LY75: variants seen among roughly 807,000 people sequenced by gnomAD.
The protein encoded by LY75 is lymphocyte antigen 75.
A neutral mutation model predicts 231.7 loss-of-function variants in LY75; 185 were observed. That is an observed-to-expected ratio of 0.80 (90% CI 0.71 to 0.90). The LOEUF (loss-of-function observed/expected upper bound fraction) is 0.90, where lower values mean the gene tolerates loss of function less well. Among genes scored for constraint, LY75 ranks in the 40% least tolerant of loss-of-function variants. LY75 has a pLI of 0.00. For synonymous variants in LY75, 668 were observed against 689.0 expected, an observed-to-expected ratio of 0.97 and a Z score of 0.48; for missense variants, 1,947 against 2,050.2, an observed-to-expected ratio of 0.95 and a Z score of 0.97.
chr2:159,842,365 C>T lies in LY75; in HGVS notation c.3160G>A (p.Glu1054Lys). ...AGGGCACAGTGGTAGCGAGACTCTTCCTCAAAAAACTAAACAAAAAGGCAA... is the reference window on the plus strand; with the variant it reads ...AGGGCACAGTGGTAGCGAGACTCTTTCTCAAAAAACTAAACAAAAAGGCAA... ...RLRIPENFFE[E>K]ESRYHCALIL... The change falls in exon 24 of 35, where the codon GAA becomes AAA. Residue 1054 changes from glutamate (E) to lysine (K), a missense_variant. Coordinates refer to ENST00000263636, the MANE Select transcript of LY75 (RefSeq NM_002349.4). 6.2e-7 allele frequency: 1 copy of T among 1,607,730 alleles called. No homozygotes were observed. Among genetic ancestry groups the T allele is most frequent in the Non-Finnish European group, 8.5e-7 (1 of 1,176,618 alleles).
At chr2:159,837,308 C>A (rs1683861428) in intron 25 of LY75, among the ~76,000 whole-genome samples, 1 of 152,122 alleles carries the variant, frequency 6.6e-6, no homozygotes, top group Non-Finnish European at 1.5e-5. Context: ...ACTGTGCAGC[C>A]ATAAAAAAGA....
At chr2:159,808,217 C>T in intron 33 of LY75, 1 of 815,664 alleles carries the variant, frequency 1.2e-6, no homozygotes, top group South Asian at 5.6e-5. Context: ...TAGAAAGATT[C>T]CACTTTATTT....
chr2:159,849,937 T>C (rs756547925), intron 23 of LY75, 43 bp downstream of exon 23: 21 of 1,581,212 alleles, frequency 1.3e-5, no homozygotes, highest in Non-Finnish European at 1.8e-5. Flanking sequence ...GACTCAAGTA[T>C]TTCACAGAGG....
In LY75 at chr2:159,881,240, T is replaced by A; in HGVS notation, c.1247A>T (p.Asp416Val). 1.2e-6 allele frequency: 2 copies of A among 1,608,402 alleles called. No homozygotes were observed. The highest frequency in any genetic ancestry group is 1.7e-6 in the Non-Finnish European group (2 of 1,177,806). ...EVVVTKLHNE[D>V]IKEEVWIGLK... is the part of the protein sequence containing the mutation. ...GCCTATCCACACTTCTTCTTTGATA[T>A]CTAAAAGAAAAATGTATTATTTGTT... Residue 416 changes from aspartate (D) to valine (V), a missense_variant and splice_region_variant, in exon 8 of 35, where the codon GAT (aspartate) becomes GTT (valine). Physicochemically the swap from Asp to Val is radical, Grantham distance 152. Coordinates refer to ENST00000263636, the MANE Select transcript of LY75 (RefSeq NM_002349.4).
rs1406397102 is a variant in LY75, at chr2:159,816,702, G to C, written c.4380+104C>G. On this transcript the variant is annotated intron_variant, in intron 30 of 34. Transcript: ENST00000263636. ...ACCATGCTATGCAAGCGGAGTCCCA[G>C]TACTTCATCTAATGTTGTACTTTGT... 12 of 1,491,304 alleles carry C rather than the reference G, an allele frequency of 8.0e-6. No homozygotes were observed. In the East Asian group the frequency reaches 2.5e-4, roughly 31 times the overall value. 92.4% of individuals were successfully genotyped at this position (1,491,304 alleles called of 1,614,324 possible).
chr2:159,893,832 G>T (rs1015314502), intron 3 of LY75, 82 bp downstream of exon 3: 1 of 1,469,258 alleles, frequency 6.8e-7, no homozygotes, highest in African/African-American at 1.4e-5. Flanking sequence ...TCACTTTTGA[G>T]TCACTTTGAA....
intron 29 of LY75, among the ~76,000 whole-genome samples, chr2:159,819,081 T>A (rs1471806184): frequency 6.6e-6 from 1 of 152,148 alleles, no homozygotes; most frequent in Non-Finnish European, 1.5e-5. Flanking sequence ...GTGGACACGG[T>A]CTTGGGAAGT....
At chr2:159,881,039 G>A (rs1685419807) in intron 8 of LY75, 44 bp downstream of exon 8, 1 of 1,588,316 alleles carries the variant, frequency 6.3e-7, no homozygotes, top group South Asian at 1.1e-5. Flanking sequence ...ATTATCATTA[G>A]GTAAAACAGG....
chr2:159,868,949 C>T (rs1004933227), intron 13 of LY75, among the ~76,000 whole-genome samples: 1 of 152,090 alleles, frequency 6.6e-6, no homozygotes, highest in Admixed American at 6.6e-5. Context: ...CACATATACA[C>T]CATGGAATAC....
chr2:159,854,829 A>G, intron 17 of LY75, 75 bp downstream of exon 17: 1 of 1,576,678 alleles, frequency 6.3e-7, no homozygotes, highest in South Asian at 1.1e-5. Flanking sequence ...AGAAGCTGGC[A>G]CTTAAATAAT....
chr2:159,851,375 T>C (rs987050219), intron 21 of LY75, among the ~76,000 whole-genome samples: 27 of 152,166 alleles, frequency 1.8e-4, no homozygotes, highest in African/African-American at 5.6e-4. Flanking sequence ...AGCTTTCTTA[T>C]AGACTGGAGT....
intron 33 of LY75, 29 bp downstream of exon 33, chr2:159,808,420 C>G: frequency 6.2e-7 from 1 of 1,613,326 alleles, no homozygotes; most frequent in Non-Finnish European, 8.5e-7. Flanking sequence ...ACTCTCTTTG[C>G]ACACTACACA....
rs58090927 is a variant in LY75, at chr2:159,824,293, C to CA, written c.3959-4374dup. 1.0e-3 allele frequency among the ~76,000 whole-genome samples: 153 copies of CA among 149,440 alleles called. No homozygotes were observed. The East Asian group carries it at 0.018, about 17-fold the overall frequency. ...TTTACCAAGCAAATGGAAAACAAAA[C>CA]AAAAAAAAAGCAGAAGTTGCAATCC... is the stretch of plus-strand genomic sequence containing the variant. On this transcript the variant is annotated intron_variant, in intron 28 of 34. Transcript: ENST00000263636.
rs549703738 is a variant in LY75, at chr2:159,898,188, C to T, written c.466+500G>A. ...TATTCACAGGCGTGATCATTACACA[C>T]TACAGCCTTGAACTCCTGTGTGCTC... On this transcript the variant is annotated intron_variant, in intron 2 of 34. Transcript: ENST00000263636. Among the ~76,000 whole-genome samples the T allele has an allele frequency of 2.7e-4, 41 of 152,314 alleles. 1 individual carries two copies. The highest frequency in any genetic ancestry group is 8.4e-4 in the African/African-American group (35 of 41,570).
chr2:159,872,574 A>G lies in LY75; in HGVS notation c.1994T>C (p.Ile665Thr). The G allele has an allele frequency of 6.2e-7, 1 of 1,613,722 alleles. No individual in the cohort carries two copies. The change falls in exon 13 of 35, where the codon ATT becomes ACT. Residue 665 changes from isoleucine to threonine, a missense_variant. Coordinates refer to ENST00000263636, the MANE Select transcript of LY75 (RefSeq NM_002349.4). ...SCYKVFHAER[I>T]VRKRNWEEAE... The stretch of plus-strand genomic sequence containing the variant: ...TTCTTCCCAGTTCCTCTTTCTTACA[A>G]TTCTTTCTGCATGGAATACCTTAGC...
intron 12 of LY75, among the ~76,000 whole-genome samples, chr2:159,874,967 A>G (rs1379887560): frequency 7.2e-6 from 1 of 138,090 alleles, no homozygotes; most frequent in Non-Finnish European, 1.6e-5. Context: ...ATATATTTAT[A>G]ATATATATAT....
chr2:159,821,480 G>T (rs1683286109), intron 28 of LY75, among the ~76,000 whole-genome samples: 2 of 151,970 alleles, frequency 1.3e-5, no homozygotes, highest in South Asian at 4.2e-4. Flanking sequence ...GCTGGGCGTG[G>T]TGGCGGTTGT....
At position 159,835,406 on chromosome 2, in the gene LY75, A is replaced by T. The variant is rs559062226; in HGVS notation, c.3673+74T>A. Reference sequence around the variant, plus strand: ...CAATTCCAAAACCAGATTTTATAAAACCACTCCTCAGAAATTCTACCACTT... The same window carrying T: ...CAATTCCAAAACCAGATTTTATAAATCCACTCCTCAGAAATTCTACCACTT... On this transcript the variant is annotated intron_variant, in intron 26 of 34. Transcript: ENST00000263636. 383 of 1,409,670 alleles carry T rather than the reference A, an allele frequency of 2.7e-4. 4 individuals carry two copies. The South Asian group carries it at 4.2e-3, about 15-fold the overall frequency. The allele number at this position is 1,409,670 out of a possible 1,614,324, so 87.3% of individuals were successfully genotyped here. A position where few individuals can be genotyped will look rare whatever the true frequency, so the allele number is the denominator to read the frequency against.
intron 13 of LY75, among the ~76,000 whole-genome samples, chr2:159,865,983 A>G (rs1380509415): frequency 6.6e-6 from 1 of 152,236 alleles, no homozygotes; most frequent in East Asian, 1.9e-4. Context: ...AATGTTTTCT[A>G]AAATTTATTA....
Sources: allele counts gnomAD v4.1 joint callset (sites outside exome capture counted in the v4.1 genomes callset), GRCh38; gene constraint gnomAD v4.1.1; transcripts MANE v1.5; gene names NCBI Gene and HGNC (gene_info 2026-07-23, HGNC 2026-07-21).